The following NELFB variants were observed in gnomAD, a reference collection of about 807,000 sequenced individuals.
The protein encoded by NELFB is negative elongation factor B.
A neutral mutation model predicts 60.2 loss-of-function variants in NELFB; 34 were observed. The ratio of observed to expected loss-of-function variants is 0.56; its 90% CI spans 0.43 to 0.75. The LOEUF (loss-of-function observed/expected upper bound fraction) is 0.75. NELFB is among the 30% of genes least tolerant of loss of function. The pLI, the probability that NELFB is intolerant of heterozygous loss-of-function variation, is 0.00. For synonymous variants in NELFB, 459 were observed against 382.1 expected, an observed-to-expected ratio of 1.20 and a Z score of -2.35; for missense variants, 770 against 831.6, an observed-to-expected ratio of 0.93 and a Z score of 0.91.
At chr9:137,267,612 C>A (rs1830537417) in intron 10 of NELFB, among the ~76,000 whole-genome samples, 2 of 151,702 alleles carry the variant, frequency 1.3e-5, no homozygotes, top group African/African-American at 2.4e-5. Flanking sequence ...TCGTGCCTCA[C>A]CCTCCTGAGT....
chr9:137,264,453 C>T (rs967118296), intron 6 of NELFB, 96 bp downstream of exon 6: 10 of 859,100 alleles, frequency 1.2e-5, no homozygotes, highest in Non-Finnish European at 1.8e-5. Context: ...GGCGTTTATT[C>T]CCGGATATTG....
intron 11 of NELFB, 117 bp from the exon 12 acceptor site, chr9:137,272,390 G>A: frequency 2.8e-6 from 4 of 1,441,708 alleles, no homozygotes; most frequent in Non-Finnish European, 3.7e-6. Flanking sequence ...CAGCTGGGGA[G>A]GGTCCCAAAG....
At chr9:137,266,787 C>T (rs538260411) in intron 8 of NELFB, among the ~76,000 whole-genome samples, 157 bp from the exon 9 acceptor site, 9 of 124,752 alleles carry the variant, frequency 7.2e-5, no homozygotes, top group African/African-American at 2.4e-4. Context: ...GTGGGGGACT[C>T]GGGAGGTGGG....
chr9:137,272,154 C>A lies in NELFB; in HGVS notation c.1563C>A (p.Ala521=), dbSNP rs774945455. 2 of 1,614,090 alleles carry A rather than the reference C, an allele frequency of 1.2e-6. No individual in the cohort carries two copies. The highest frequency in any genetic ancestry group is 2.7e-5 in the African/African-American group (2 of 74,930). ...TCACGGGCAACCTTGCGCTGCTGGC[C>A]GACGAATTTGCCCTTGAGGACTTCT... Residue 521 remains alanine (A), a synonymous_variant, in exon 11 of 13, where the codon GCC becomes GCA. Transcript: ENST00000343053.
Position 137,255,918 on chromosome 9 carries a change from T to C in NELFB, c.258T>C (p.Gly86=). ...CTTGGCTTCCTCAGACAGAGAATGGTGTGCTGCTGCCATCTCTTCAGTCAG... is the reference window on the plus strand; with the variant it reads ...CTTGGCTTCCTCAGACAGAGAATGGCGTGCTGCTGCCATCTCTTCAGTCAG... The change falls in exon 2 of 13, where the codon GGT becomes GGC. Residue 86 remains glycine (G), a synonymous_variant. Transcript: ENST00000343053. 1 of 1,613,944 alleles carries C rather than the reference T, an allele frequency of 6.2e-7. No individual in the cohort carries two copies. The highest frequency in any genetic ancestry group is 1.1e-5 in the South Asian group (1 of 91,088).
Position 137,256,967 on chromosome 9 carries a change from G to A in NELFB, c.654G>A (p.Leu218=). 1 of 1,614,150 alleles carries A rather than the reference G, an allele frequency of 6.2e-7. No individual in the cohort carries two copies. Among genetic ancestry groups the A allele is most frequent in the African/African-American group, 1.3e-5 (1 of 75,064 alleles). ...CCCCACTCCTGAAGCAGTACATCCT[G>A]GAGAAGGAGAGCGCTCTCTTCAGTA... The change falls in exon 4 of 13, where the codon CTG becomes CTA. Residue 218 remains leucine (L), a synonymous_variant. Coordinates refer to ENST00000343053, the MANE Select transcript of NELFB (RefSeq NM_015456.5).
intron 6 of NELFB, among the ~76,000 whole-genome samples, chr9:137,265,543 C>G (rs1234847177): frequency 1.3e-5 from 2 of 151,896 alleles, no homozygotes; most frequent in Non-Finnish European, 2.9e-5. Flanking sequence ...CGACCACCAC[C>G]ACGCCCGGCT....
At chr9:137,266,227 G>A (rs1021822545) in intron 7 of NELFB, 104 bp from the exon 8 acceptor site, 1 of 1,031,072 alleles carries the variant, frequency 9.7e-7, no homozygotes, top group African/African-American at 1.6e-5. Flanking sequence ...TGTGGTCCTG[G>A]CCATGGGCAC....
intron 10 of NELFB, 42 bp from the exon 11 acceptor site, chr9:137,272,039 G>A (rs754885317): frequency 1.9e-6 from 3 of 1,611,986 alleles, no homozygotes; most frequent in Admixed American, 3.3e-5. Flanking sequence ...TCTGGGGTGG[G>A]CAGGGTGAGT....
intron 10 of NELFB, among the ~76,000 whole-genome samples, chr9:137,268,404 T>G (rs897058753): frequency 1.3e-5 from 2 of 152,018 alleles, no homozygotes; most frequent in East Asian, 3.9e-4. Flanking sequence ...GCCAACATGG[T>G]GAAACCCTGT....
chr9:137,266,276 T>A, intron 7 of NELFB, 55 bp from the exon 8 acceptor site: 3 of 1,499,772 alleles, frequency 2.0e-6, no homozygotes, highest in Non-Finnish European at 1.8e-6. Flanking sequence ...TCAGAGGAGC[T>A]CCATGGCCAG....
intron 10 of NELFB, among the ~76,000 whole-genome samples, chr9:137,268,358 G>C (rs1830544642): frequency 6.6e-6 from 1 of 152,212 alleles, no homozygotes; most frequent in Non-Finnish European, 1.5e-5. Flanking sequence ...GGCTGAGGCG[G>C]GCGGATCACG....
At chr9:137,264,455 C>T (rs541135600) in intron 6 of NELFB, 98 bp downstream of exon 6, 37 of 840,858 alleles carry the variant, frequency 4.4e-5, no homozygotes, top group African/African-American at 1.0e-4. Context: ...CGTTTATTCC[C>T]GGATATTGCT....
At chr9:137,265,035 T>TC (rs1208143901) in intron 6 of NELFB, among the ~76,000 whole-genome samples, 2 of 138,226 alleles carry the variant, frequency 1.4e-5, no homozygotes, top group Admixed American at 7.2e-5. Flanking sequence ...TTCTTCCTTT[T>TC]TTTTTTTTTT....
rs747928505 is a variant in NELFB, at chr9:137,264,343, G to A, written c.1026G>A (p.Gln342=). ...TTCTCGATGGCGTCAAGAAGGGCCA[G>A]GAGCAGGTGCTGGGGTGAGGGTCGG... Residue 342 remains glutamine, a synonymous_variant, in exon 6 of 13, where the codon CAG becomes CAA. Coordinates refer to ENST00000343053, the MANE Select transcript of NELFB (RefSeq NM_015456.5). 6.3e-7 allele frequency: 1 copy of A among 1,592,442 alleles called. No homozygotes were observed. Among genetic ancestry groups the A allele is most frequent in the Non-Finnish European group, 8.5e-7 (1 of 1,171,202 alleles).
intron 10 of NELFB, 143 bp from the exon 11 acceptor site, chr9:137,271,938 G>C: frequency 9.4e-7 from 1 of 1,063,950 alleles, no homozygotes; most frequent in African/African-American, 1.6e-5. Context: ...CACCTGCTGA[G>C]ACCCTGTGCT....
intron 7 of NELFB, 95 bp from the exon 8 acceptor site, chr9:137,266,236 A>G (rs1830515920): frequency 2.7e-6 from 3 of 1,094,712 alleles, no homozygotes; most frequent in African/African-American, 1.6e-5. Flanking sequence ...GGCCATGGGC[A>G]CCAGAGATCC....
intron 5 of NELFB, among the ~76,000 whole-genome samples, 180 bp downstream of exon 5, chr9:137,263,402 C>T (rs1205744454): frequency 8.8e-6 from 1 of 114,016 alleles, no homozygotes; most frequent in Non-Finnish European, 1.8e-5. Context: ...CCCTCCTCCC[C>T]CTCCGCCCTC....
intron 10 of NELFB, 85 bp from the exon 11 acceptor site, chr9:137,271,996 T>C: frequency 6.5e-7 from 1 of 1,531,736 alleles, no homozygotes; most frequent in East Asian, 2.3e-5. Flanking sequence ...CCCCCAGAAG[T>C]AGGTTCTGAG....
Sources: allele counts gnomAD v4.1 joint callset (sites outside exome capture counted in the v4.1 genomes callset), GRCh38; gene constraint gnomAD v4.1.1; transcripts MANE v1.5; gene names NCBI Gene and HGNC (gene_info 2026-07-23, HGNC 2026-07-21).